The following CUX1 variants were observed in gnomAD, a reference collection of about 807,000 sequenced individuals.
CUX1 encodes the protein protein CASP.
Under a neutral mutation model 158.8 loss-of-function variants are expected in CUX1, and 31 were observed. That is an observed-to-expected ratio of 0.20 (90% CI 0.15 to 0.26). The LOEUF is 0.26. CUX1 is among the 10% of genes least tolerant of loss of function. CUX1 has a pLI of 1.00. For missense variants in CUX1, 1,589 were observed against 2,014.6 expected (o/e 0.79, Z 4.04); for synonymous variants, 879 against 862.1 (o/e 1.02, Z -0.34).
intron 2 of CUX1, among the ~76,000 whole-genome samples, chr7:102,005,955 CG>C (rs1166467744): frequency 6.6e-6 from 1 of 152,164 alleles, no homozygotes; most frequent in African/African-American, 2.4e-5. Flanking sequence ...GAGGAGCGAG[CG>C]GCCGCGTGGA....
chr7:102,163,703 G>A (rs1274576758), intron 9 of CUX1, among the ~76,000 whole-genome samples: 3 of 152,208 alleles, frequency 2.0e-5, no homozygotes, highest in Non-Finnish European at 4.4e-5. Context: ...CCATCCCTGC[G>A]GAGGTGAGCT....
At chr7:102,045,270 T>C (rs1307676310) in intron 3 of CUX1, among the ~76,000 whole-genome samples, 4 of 152,138 alleles carry the variant, frequency 2.6e-5, no homozygotes, top group African/African-American at 7.2e-5. Context: ...AAATGAACAG[T>C]TGAGAGAGAA....
chr7:101,964,693 C>T (rs997906125), intron 2 of CUX1, among the ~76,000 whole-genome samples: 2 of 152,156 alleles, frequency 1.3e-5, no homozygotes, highest in African/African-American at 4.8e-5. Context: ...AGCAAGCAAA[C>T]CTCAACACCT....
At chr7:101,979,046 C>T (rs981829541) in intron 2 of CUX1, among the ~76,000 whole-genome samples, 4 of 152,192 alleles carry the variant, frequency 2.6e-5, no homozygotes, top group African/African-American at 4.8e-5. Context: ...TGGTGTTAAC[C>T]GCCTGGTGCC....
intron 8 of CUX1, among the ~76,000 whole-genome samples, chr7:102,119,599 A>G (rs1158389741): frequency 6.6e-6 from 1 of 152,258 alleles, no homozygotes; most frequent in Non-Finnish European, 1.5e-5. Context: ...ACAGTTTAAT[A>G]TTTGTTGGAA....
Position 102,205,039 on chromosome 7 carries a change from T to G in CUX1, c.3074-75T>G, listed in dbSNP as rs1795808834. On this transcript the variant is annotated intron_variant, in intron 19 of 23. Transcript: ENST00000292535. The stretch of plus-strand genomic sequence containing the variant: ...GAGGAATGGGAAGCCTCCCCGGGCC[T>G]TGCCACATTCAGTTAGGAAGCTTTA... 4 of 1,075,832 alleles carry G rather than the reference T, an allele frequency of 3.7e-6. No homozygotes were observed. In the South Asian group the frequency reaches 5.2e-5, roughly 14 times the overall value. 66.6% of individuals were successfully genotyped at this position (1,075,832 alleles called of 1,614,324 possible). A position where few individuals can be genotyped will look rare whatever the true frequency, so the allele number is the denominator to read the frequency against.
Position 102,160,162 on chromosome 7 carries a change from G to C in CUX1, c.723+1554G>C, listed in dbSNP as rs1368956577. 2.0e-5 allele frequency among the ~76,000 whole-genome samples: 3 copies of C among 149,680 alleles called. No homozygotes were observed. In the South Asian group the frequency reaches 6.4e-4, roughly 32 times the overall value. Reference sequence around the variant, plus strand: ...CCACCATACTCCAGCTTGGATGACAGAGCGAGAATCTGTCTAAAAAAAAAA... The same window carrying C: ...CCACCATACTCCAGCTTGGATGACACAGCGAGAATCTGTCTAAAAAAAAAA... On this transcript the variant is annotated intron_variant, in intron 9 of 23. Transcript: ENST00000292535.
rs978398314 is a variant in CUX1 at position 101,916,471 on chromosome 7, T to C, written c.141+246T>C. On this transcript the variant is annotated intron_variant, in intron 2 of 23. Transcript: ENST00000292535. The surrounding 1 kb of genome is among the most constrained non-coding windows in gnomAD (Gnocchi z 4.4). ...AGTCAGAGCCAATTCCAGGTGCAGA[T>C]ACTGGACAAGCTTGGTCTGTAAGAA... 7 of 398,992 alleles carry C rather than the reference T, an allele frequency of 1.8e-5. No individual in the cohort carries two copies. The highest frequency in any genetic ancestry group is 3.4e-5 in the Non-Finnish European group (7 of 207,562). The allele number at this position is 398,992 out of a possible 1,614,324, so 24.7% of individuals were successfully genotyped here. A position where few individuals can be genotyped will look rare whatever the true frequency, so the allele number is the denominator to read the frequency against.
chr7:102,080,305 G>A (rs374261444), intron 4 of CUX1, among the ~76,000 whole-genome samples: 12 of 152,290 alleles, frequency 7.9e-5, no homozygotes, highest in East Asian at 7.7e-4. Flanking sequence ...GTCCTGGCAC[G>A]CCGGGTATCT....
intron 1 of CUX1, among the ~76,000 whole-genome samples, chr7:101,880,410 A>G (rs1799592542): frequency 6.6e-6 from 1 of 151,912 alleles, no homozygotes; most frequent in Admixed American, 6.6e-5. Flanking sequence ...CGTTCCCCAG[A>G]CCCCTCTCAT....
Position 101,869,590 on chromosome 7 carries a change from C to T in CUX1, c.31-46525C>T, listed in dbSNP as rs566587069. On this transcript the variant is annotated intron_variant, in intron 1 of 23. Coordinates refer to ENST00000292535, the MANE Select transcript of CUX1 (RefSeq NM_181552.4). This position sits in a 1 kb window ranked among gnomAD's most constrained non-coding sequence, Gnocchi z 4.5. ...GTGGGGCGGGGGAGGGAAACCAGCA[C>T]GTTAGAAGGTCAGCCAAGGTCAGGC... 3.7e-4 allele frequency among the ~76,000 whole-genome samples: 57 copies of T among 152,140 alleles called. No homozygotes were observed. The highest frequency in any genetic ancestry group is 1.1e-3 in the African/African-American group (46 of 41,502).
chr7:102,068,266 T>G (rs897967140), intron 3 of CUX1, among the ~76,000 whole-genome samples: 7 of 151,848 alleles, frequency 4.6e-5, no homozygotes, highest in Non-Finnish European at 1.0e-4. Flanking sequence ...CTAATTTTTT[T>G]GTTTTTTGTA....
At chr7:102,177,007 T>C (rs1792443453) in intron 10 of CUX1, among the ~76,000 whole-genome samples, 1 of 152,000 alleles carries the variant, frequency 6.6e-6, no homozygotes, top group Non-Finnish European at 1.5e-5. Context: ...ACAATGAGCA[T>C]TTAGTGAGGT....
intron 8 of CUX1, among the ~76,000 whole-genome samples, chr7:102,155,774 C>G (rs1789683524): frequency 6.6e-6 from 1 of 152,116 alleles, no homozygotes; most frequent in Non-Finnish European, 1.5e-5. Context: ...CTTTGCACAG[C>G]AATTTTTCTG....
At chr7:102,047,809 T>C (rs754945972) in intron 3 of CUX1, among the ~76,000 whole-genome samples, 1 of 152,178 alleles carries the variant, frequency 6.6e-6, no homozygotes, top group Non-Finnish European at 1.5e-5. Flanking sequence ...TAATTAGGTT[T>C]TACTAAAGTT....
chr7:101,957,412 C>G (rs953953838), intron 2 of CUX1, among the ~76,000 whole-genome samples: 1 of 152,120 alleles, frequency 6.6e-6, no homozygotes, highest in East Asian at 1.9e-4. Flanking sequence ...TGCAGATTTT[C>G]TCCATAGAGA....
intron 4 of CUX1, among the ~76,000 whole-genome samples, chr7:102,090,590 G>A (rs1828466617): frequency 6.6e-6 from 1 of 151,448 alleles, no homozygotes; most frequent in African/African-American, 2.4e-5. Context: ...AGGTTTCACT[G>A]TGTTAGCCAG....
intron 1 of CUX1, among the ~76,000 whole-genome samples, chr7:101,827,973 GTTTTTTTTTT>G (rs112801049): frequency 1.0e-4 from 10 of 98,702 alleles, no homozygotes; most frequent in Admixed American, 8.4e-4. Flanking sequence ...GGTATAACTT[GTTTTTTTTTT>G]TTTTTTTTTT....
rs1279359683 is a variant in CUX1, at chr7:101,932,309, C to CTA, written c.141+16086_141+16087dup. 10 of 211,938 alleles carry CTA rather than the reference C, an allele frequency of 4.7e-5. No individual in the cohort carries two copies. In the East Asian group the frequency reaches 1.1e-3, roughly 23 times the overall value. The allele number at this position is 211,938 out of a possible 1,614,324, so 13.1% of individuals were successfully genotyped here. ...TCTGAAATATGGGGCCGGCGTCAGC[C>CTA]TATTTCCCTGGGGTCAGGTGTGTTC... On this transcript the variant is annotated intron_variant, in intron 2 of 23. Coordinates refer to ENST00000292535, the MANE Select transcript of CUX1 (RefSeq NM_181552.4).
Sources: gnomAD v4.1 joint callset for allele counts (sites outside exome capture counted in the v4.1 genomes callset) on GRCh38, gnomAD v4.1.1 for gene constraint, Gnocchi (gnomAD v3.1) non-coding constraint, MANE v1.5 for transcripts, NCBI Gene and HGNC (gene_info 2026-07-23, HGNC 2026-07-21) for gene names.